Variants in PKHD1L1 observed in about 807,000 individuals in gnomAD.
PKHD1L1 encodes PKHD1 like 1, also known as fibrocystin-L.
PKHD1L1 carries 434 observed loss-of-function variants against 462.9 expected under a neutral mutation model. That is an observed-to-expected ratio of 0.94 (90% confidence interval 0.87 to 1.02). The LOEUF (loss-of-function observed/expected upper bound fraction) is 1.02, where lower values mean the gene tolerates loss of function less well. Ranked by LOEUF, PKHD1L1 falls within the 50% of genes least tolerant of loss-of-function variation. The probability of loss-of-function intolerance (pLI) is 0.00; values close to 1 mark genes in which losing one functional copy is unlikely to be tolerated. For missense variants in PKHD1L1, 5,202 were observed against 5,096.1 expected, an observed-to-expected ratio of 1.02 and a Z score of -0.63; for synonymous variants, 1,781 against 1,750.0, an observed-to-expected ratio of 1.02 and a Z score of -0.44.
chr8:109,497,380 C>T (rs945782801), intron 65 of PKHD1L1, 108 bp downstream of exon 65: 1 of 1,294,072 alleles, frequency 7.7e-7, no homozygotes, highest in African/African-American at 1.5e-5. Flanking sequence ...CTCTGTCTCG[C>T]CCACACCTCC....
intron 68 of PKHD1L1, among the ~76,000 whole-genome samples, chr8:109,506,645 T>C (rs779273072): frequency 3.0e-4 from 46 of 152,176 alleles, no homozygotes; most frequent in African/African-American, 4.1e-4. Context: ...TTGCACATAT[T>C]TGAATACAAC....
At chr8:109,376,199 G>T (rs934607620) in intron 2 of PKHD1L1, among the ~76,000 whole-genome samples, 2 of 152,258 alleles carry the variant, frequency 1.3e-5, no homozygotes, top group African/African-American at 4.8e-5. Flanking sequence ...CTTGGGCATT[G>T]GTGGGTGCCC....
intron 2 of PKHD1L1, among the ~76,000 whole-genome samples, chr8:109,379,125 CTGCCA>C (rs754836946): frequency 3.9e-5 from 6 of 152,188 alleles, no homozygotes; most frequent in Non-Finnish European, 4.4e-5. Flanking sequence ...AATACCGGAA[CTGCCA>C]AGAGCAGAGA....
At chr8:109,440,137 G>A (rs1815691749) in intron 32 of PKHD1L1, among the ~76,000 whole-genome samples, 1 of 152,024 alleles carries the variant, frequency 6.6e-6, no homozygotes, top group African/African-American at 2.4e-5. Context: ...GGATTTGGAA[G>A]TCAAATATGT....
chr8:109,522,080 T>C lies in PKHD1L1; in HGVS notation c.12032-106T>C, dbSNP rs980650288. The C allele has an allele frequency of 2.8e-5, 32 of 1,155,226 alleles. No individual in the cohort carries two copies. In the African/African-American group the frequency reaches 5.2e-4, roughly 19 times the overall value. The allele number at this position is 1,155,226 out of a possible 1,614,324, so 71.6% of individuals were successfully genotyped here. On this transcript the variant is annotated intron_variant, in intron 73 of 77. Transcript: ENST00000378402. ...GTAAGACTAGAAAGCCTTAGAATTCTATAATGTGATGGAGCAATGCAAAGA... is the reference window on the plus strand; with the variant it reads ...GTAAGACTAGAAAGCCTTAGAATTCCATAATGTGATGGAGCAATGCAAAGA...
At chr8:109,472,642 G>C (rs930136022) in intron 50 of PKHD1L1, among the ~76,000 whole-genome samples, 1 of 151,892 alleles carries the variant, frequency 6.6e-6, no homozygotes, top group East Asian at 1.9e-4. Context: ...GAATTAAATG[G>C]AATTAGTTGC....
At chr8:109,384,025 A>G (rs2130438214) in intron 4 of PKHD1L1, 45 bp from the exon 5 acceptor site, 1 of 1,315,046 alleles carries the variant, frequency 7.6e-7, no homozygotes, top group African/African-American at 1.5e-5. Context: ...AAAACTAGAA[A>G]CAAAACAGAG....
chr8:109,409,390 C>T lies in PKHD1L1; in HGVS notation c.1972-475C>T, dbSNP rs768632361. Reference sequence around the variant, plus strand: ...TCAGCCTCCTGAGTAGCTGGGACTACAGGCGCTTGCCACATGCCCAGCTAA... The same window carrying T: ...TCAGCCTCCTGAGTAGCTGGGACTATAGGCGCTTGCCACATGCCCAGCTAA... On this transcript the variant is annotated intron_variant, in intron 18 of 77. Coordinates refer to ENST00000378402, the MANE Select transcript of PKHD1L1 (RefSeq NM_177531.6). 1.0e-3 allele frequency among the ~76,000 whole-genome samples: 158 copies of T among 151,998 alleles called. 4 individuals are homozygous for T. Among genetic ancestry groups the T allele is most frequent in the Non-Finnish European group, 1.0e-3 (71 of 68,018 alleles).
chr8:109,492,427 G>A (rs1818880508), intron 62 of PKHD1L1, among the ~76,000 whole-genome samples: 1 of 151,734 alleles, frequency 6.6e-6, no homozygotes, highest in Admixed American at 6.6e-5. Context: ...AATTACTATA[G>A]GTGTTTGTTG....
intron 19 of PKHD1L1, among the ~76,000 whole-genome samples, chr8:109,410,487 C>T (rs369984373): frequency 9.9e-5 from 15 of 151,868 alleles, no homozygotes; most frequent in East Asian, 1.9e-4. Flanking sequence ...GAGAGTGGGG[C>T]GGTGCCACCC....
chr8:109,416,147 C>T (rs1004809503), intron 21 of PKHD1L1, among the ~76,000 whole-genome samples: 4 of 151,982 alleles, frequency 2.6e-5, no homozygotes, highest in African/African-American at 4.8e-5. Context: ...TTAATAAGGG[C>T]GTTAAGCTTT....
chr8:109,379,409 T>G (rs1288197005), intron 2 of PKHD1L1, among the ~76,000 whole-genome samples: 1 of 152,180 alleles, frequency 6.6e-6, no homozygotes, highest in African/African-American at 2.4e-5. Context: ...GTGAAAAAGT[T>G]CCGATAATGG....
chr8:109,413,950 T>G (rs1813994180), intron 21 of PKHD1L1, among the ~76,000 whole-genome samples: 1 of 152,062 alleles, frequency 6.6e-6, no homozygotes, highest in Non-Finnish European at 1.5e-5. Context: ...TAGAGAGATT[T>G]TGAAATAATG....
At chr8:109,396,298 C>T (rs17367052) in intron 11 of PKHD1L1, among the ~76,000 whole-genome samples, 161 bp downstream of exon 11, 19,107 of 152,122 alleles carry the variant, frequency 0.13, 1,539 homozygotes, top group Non-Finnish European at 0.18. Flanking sequence ...ATGCTCTTTC[C>T]ATTGCAGTTT....
At chr8:109,398,200 A>G (rs1446108931) in intron 11 of PKHD1L1, among the ~76,000 whole-genome samples, 1 of 152,092 alleles carries the variant, frequency 6.6e-6, no homozygotes, top group African/African-American at 2.4e-5. Flanking sequence ...AGTATTATCA[A>G]ATTTTTTATC....
At chr8:109,486,902 C>T in intron 59 of PKHD1L1, 81 bp downstream of exon 59, 1 of 1,316,938 alleles carries the variant, frequency 7.6e-7, no homozygotes, top group Non-Finnish European at 1.0e-6. Flanking sequence ...ACATAATTCT[C>T]ACTTTTTTAA....
chr8:109,415,861 AGGGGTGT>A (rs1563752277), intron 21 of PKHD1L1, among the ~76,000 whole-genome samples: 2 of 58,574 alleles, frequency 3.4e-5, no homozygotes, highest in African/African-American at 6.4e-5. Context: ...AAAAAAAAAA[AGGGGTGT>A]GTGTGTGTGT....
At chr8:109,509,717 A>T (rs1290941474) in intron 70 of PKHD1L1, among the ~76,000 whole-genome samples, 3 of 151,986 alleles carry the variant, frequency 2.0e-5, no homozygotes, top group African/African-American at 7.2e-5. Flanking sequence ...TTCAAAACCC[A>T]CAAAGAAAGT....
chr8:109,466,764 C>T lies in PKHD1L1; in HGVS notation c.8600C>T (p.Ser2867Phe), dbSNP rs1232466213. Reference sequence around the variant, plus strand: ...GAAAAGGATGTGGTTCTTTCAGACTCTTTTGGTAAGTGGAATATATTAGTT... The same window carrying T: ...GAAAAGGATGTGGTTCTTTCAGACTTTTTTGGTAAGTGGAATATATTAGTT... ...LLEKDVVLSDSFGTSIIPFQK... is the reference protein window; with the variant it reads ...LLEKDVVLSDFFGTSIIPFQK... The change falls in exon 50 of 78, where the codon TCT (serine) becomes TTT (phenylalanine). Residue 2867 changes from serine (S) to phenylalanine (F), a missense_variant. By Grantham distance (155) the Ser-to-Phe change is radical. Coordinates refer to ENST00000378402, the MANE Select transcript of PKHD1L1 (RefSeq NM_177531.6). 1 of 1,610,100 alleles carries T rather than the reference C, an allele frequency of 6.2e-7. No homozygotes were observed. The highest frequency in any genetic ancestry group is 8.5e-7 in the Non-Finnish European group (1 of 1,178,380).
Sources: allele counts gnomAD v4.1 joint callset (sites outside exome capture counted in the v4.1 genomes callset), GRCh38; gene constraint gnomAD v4.1.1; transcripts MANE v1.5; gene names NCBI Gene and HGNC (gene_info 2026-07-23, HGNC 2026-07-21).